Variants in CLCC1 observed in about 807,000 individuals in gnomAD.
CLCC1 encodes chloride channel CLIC-like protein 1.
CLCC1 carries 39 observed loss-of-function variants against 63.3 expected under a neutral mutation model. That is an observed-to-expected ratio of 0.62 (90% CI 0.48 to 0.81). The LOEUF (loss-of-function observed/expected upper bound fraction) is 0.81. Among genes scored for constraint, CLCC1 ranks in the 30% least tolerant of loss-of-function variants. The pLI is 0.00. For synonymous variants in CLCC1, 217 were observed against 239.8 expected, an observed-to-expected ratio of 0.90 and a Z score of 0.88; for missense variants, 549 against 669.4, an observed-to-expected ratio of 0.82 and a Z score of 1.98.
chr1:108,934,594 GAAGAGA>G lies in CLCC1; in HGVS notation c.*45+25_*45+30del, dbSNP rs1409591075. On this transcript the variant is annotated intron_variant, in intron 12 of 12. Transcript: ENST00000369969. ...TTGTAGTAATCAGAATTCTTGCAGAGAAGAGAAAGAGAGTGAAGAGTATACTTTACA... is the reference window on the plus strand; with the variant it reads ...TTGTAGTAATCAGAATTCTTGCAGAGAAGAGAGTGAAGAGTATACTTTACA... The G allele has an allele frequency of 3.5e-5, 53 of 1,496,888 alleles. No homozygotes were observed. The African/African-American group carries it at 4.9e-4, about 14-fold the overall frequency. 92.7% of individuals were successfully genotyped at this position (1,496,888 alleles called of 1,614,324 possible).
At position 108,943,635 on chromosome 1, in the gene CLCC1, G is replaced by C. The variant is rs896639808; in HGVS notation, c.562-20C>G. On this transcript the variant is annotated intron_variant, in intron 6 of 12. Coordinates refer to ENST00000369969, the MANE Select transcript of CLCC1 (RefSeq NM_001377458.1). ...AAGTACCTTAAAACAGAGAGAAGCA[G>C]AAATCAGCCACCAAAAACACTTAAG... 1 of 1,612,352 alleles carries C rather than the reference G, an allele frequency of 6.2e-7. No homozygotes were observed. Among genetic ancestry groups the C allele is most frequent in the African/African-American group, 1.3e-5 (1 of 74,756 alleles).
Position 108,931,642 on chromosome 1 carries a change from A to AAAAAGTT in CLCC1, c.*904_*905insAACTTTT. 9.4e-7 allele frequency: 1 copy of AAAAAGTT among 1,064,302 alleles called. No individual in the cohort carries two copies. The highest frequency in any genetic ancestry group is 1.3e-6 in the Non-Finnish European group (1 of 778,536). The allele number at this position is 1,064,302 out of a possible 1,614,324, so 65.9% of individuals were successfully genotyped here. A position where few individuals can be genotyped will look rare whatever the true frequency, so the allele number is the denominator to read the frequency against. ...AAGTGCTCAGCTAAAAAAAAAAAAA[A>AAAAAGTT]AGTTCTAAATTACAACCTGGATTAC... On this transcript the variant is annotated 3_prime_UTR_variant, in exon 13 of 13. Coordinates refer to ENST00000369969, the MANE Select transcript of CLCC1 (RefSeq NM_001377458.1).
At chr1:108,944,774 T>C (rs989604724) in intron 5 of CLCC1, among the ~76,000 whole-genome samples, 4 of 152,002 alleles carry the variant, frequency 2.6e-5, no homozygotes, top group Admixed American at 1.3e-4. Flanking sequence ...GGACTACAGG[T>C]GCCCGCCACT....
At chr1:108,939,604 T>C (rs780359977) in intron 10 of CLCC1, 32 bp downstream of exon 10, 312 of 1,601,268 alleles carry the variant, frequency 1.9e-4, no homozygotes, top group Admixed American at 1.4e-4. Context: ...CCACCGCGCC[T>C]GGCCCGACAG....
rs1191315187 is a variant in CLCC1 at position 108,949,976 on chromosome 1, C to T, written c.130-55G>A. ...CTTTATAGTTTAGTTACAAAAATAG[C>T]CTTTGGTTAATGAAGACTAAGATTC... On this transcript the variant is annotated intron_variant, in intron 3 of 12. Coordinates refer to ENST00000369969, the MANE Select transcript of CLCC1 (RefSeq NM_001377458.1). 2.7e-6 allele frequency: 3 copies of T among 1,098,892 alleles called. No individual in the cohort carries two copies. In the Admixed American group the frequency reaches 6.7e-5, roughly 25 times the overall value. The allele number at this position is 1,098,892 out of a possible 1,614,324, so 68.1% of individuals were successfully genotyped here.
intron 5 of CLCC1, among the ~76,000 whole-genome samples, chr1:108,946,260 A>T (rs1654520391): frequency 6.7e-6 from 1 of 148,646 alleles, no homozygotes; most frequent in Non-Finnish European, 1.5e-5. Flanking sequence ...CAGTGAGCGG[A>T]GATTGCGCCA....
chr1:108,943,559 A>G lies in CLCC1; in HGVS notation c.618T>C (p.Tyr206=), dbSNP rs769540698. 8.7e-6 allele frequency: 14 copies of G among 1,613,932 alleles called. No homozygotes were observed. The highest frequency in any genetic ancestry group is 6.7e-5 in the East Asian group (3 of 44,900). The change falls in exon 7 of 13, where the codon TAT becomes TAC. Residue 206 remains tyrosine (Y), a synonymous_variant. Transcript: ENST00000369969. ...VVLVATELWT[Y]VRWYTQLRRV... ...GTCTCAACTGAGTGTACCAACGTACATATGTCCACAGCTCAGTAGCCACTA... is the reference window on the plus strand; with the variant it reads ...GTCTCAACTGAGTGTACCAACGTACGTATGTCCACAGCTCAGTAGCCACTA...
At chr1:108,937,920 T>C (rs775185628) in intron 10 of CLCC1, among the ~76,000 whole-genome samples, 3 of 152,200 alleles carry the variant, frequency 2.0e-5, no homozygotes, top group Non-Finnish European at 4.4e-5. Flanking sequence ...CCTTACAGTG[T>C]GGCCCAGGGA....
chr1:108,936,018 TG>T (rs1652890911), intron 11 of CLCC1, among the ~76,000 whole-genome samples: 1 of 150,802 alleles, frequency 6.6e-6, no homozygotes, highest in African/African-American at 2.4e-5. Context: ...AGGAAGTCAC[TG>T]GAAGACTTCT....
At chr1:108,960,356 A>C (rs533315761) in intron 2 of CLCC1, among the ~76,000 whole-genome samples, 2 of 152,254 alleles carry the variant, frequency 1.3e-5, no homozygotes. Flanking sequence ...GGAGGGACTT[A>C]ATTTCAAGAA....
intron 1 of CLCC1, among the ~76,000 whole-genome samples, chr1:108,962,796 G>A (rs1234082896): frequency 6.6e-6 from 1 of 151,652 alleles, no homozygotes; most frequent in East Asian, 1.9e-4. Flanking sequence ...GCTGGAACCC[G>A]GAAGGCGGAG....
Position 108,934,486 on chromosome 1 carries a change from C to G in CLCC1, c.*45+139G>C, listed in dbSNP as rs1048888661. ...GAGAAGATGAAATGAAAAGCTTTTA[C>G]ATATATAACGTGTTTGTTAATTCTA... On this transcript the variant is annotated intron_variant, in intron 12 of 12. Transcript: ENST00000369969. 2.3e-5 allele frequency: 14 copies of G among 607,424 alleles called. No individual in the cohort carries two copies. The African/African-American group carries it at 2.6e-4, about 11-fold the overall frequency. The allele number at this position is 607,424 out of a possible 1,614,324, so 37.6% of individuals were successfully genotyped here.
chr1:108,943,101 G>C (rs950906670), intron 7 of CLCC1, among the ~76,000 whole-genome samples: 1 of 151,992 alleles, frequency 6.6e-6, no homozygotes, highest in African/African-American at 2.4e-5. Context: ...GTAGAGACAG[G>C]GTTTCACCAT....
At position 108,937,754 on chromosome 1, in the gene CLCC1, C is replaced by T. The variant is rs1278249778; in HGVS notation, c.1042-336G>A. Among the ~76,000 whole-genome samples, 4 of 152,208 alleles carry T rather than the reference C, an allele frequency of 2.6e-5. No individual in the cohort carries two copies. In the East Asian group the frequency reaches 7.7e-4, roughly 29 times the overall value. On this transcript the variant is annotated intron_variant, in intron 10 of 12. Transcript: ENST00000369969. The stretch of plus-strand genomic sequence containing the variant: ...TTCATGTTTCTAGATTCATGCCCAT[C>T]ATATAAGGTAAATGCTGAAAATATT...
chr1:108,950,556 C>G (rs1214139139), intron 2 of CLCC1, 108 bp from the exon 3 acceptor site: 2 of 576,712 alleles, frequency 3.5e-6, no homozygotes, highest in Non-Finnish European at 5.0e-6. Context: ...GGGTCTTGCT[C>G]TATTGCCCAG....
rs573088693 is a variant in CLCC1 at position 108,934,652 on chromosome 1, G to C, written c.*18C>G. 1 of 1,606,774 alleles carries C rather than the reference G, an allele frequency of 6.2e-7. No individual in the cohort carries two copies. Among genetic ancestry groups the C allele is most frequent in the African/African-American group, 1.3e-5 (1 of 74,902 alleles). ...AGCTCGAAGGAGACTTGAGGCTGTC[G>C]TTTGTGCTGGTGTTCCTCTAGCCAC... On this transcript the variant is annotated 3_prime_UTR_variant, in exon 12 of 13. Transcript: ENST00000369969.
At chr1:108,945,921 G>A (rs1015154822) in intron 5 of CLCC1, among the ~76,000 whole-genome samples, 2 of 152,178 alleles carry the variant, frequency 1.3e-5, no homozygotes, top group Admixed American at 6.5e-5. Flanking sequence ...CCAGCACTTT[G>A]GGAGGCCGAG....
rs1438068984 is a variant in CLCC1, at chr1:108,943,994, A to G, written c.403T>C (p.Leu135=). ...AEIILKRETL[L]EIQKFLNGED... is the part of the protein sequence containing the mutation. The stretch of plus-strand genomic sequence containing the variant: ...CCATTGAGAAACTTCTGTATTTCTA[A>G]CAAAGTTTCTCTTTTAAGGATAATC... The change falls in exon 6 of 13, where the codon TTA becomes CTA. Residue 135 remains leucine, a synonymous_variant. Coordinates refer to ENST00000369969, the MANE Select transcript of CLCC1 (RefSeq NM_001377458.1). 4.3e-6 allele frequency: 7 copies of G among 1,613,502 alleles called. No homozygotes were observed. In the African/African-American group the frequency reaches 9.3e-5, roughly 22 times the overall value.
In CLCC1 at chr1:108,940,068, T is replaced by C. The variant is rs1438272944; in HGVS notation, c.871A>G (p.Ile291Val). ...ACCTTTGTTGGTGGGACCAACCAAA[T>C]AGGGTTGACTAGTAAGAGCTCATAG... ...KYYELLLVNP[I>V]WLVPPTKALA... The change falls in exon 9 of 13, where the codon ATT becomes GTT. Residue 291 changes from isoleucine to valine, a missense_variant. Ile to Val is a conservative substitution (Grantham distance 29). Transcript: ENST00000369969. 12 of 1,613,422 alleles carry C rather than the reference T, an allele frequency of 7.4e-6. No homozygotes were observed. The highest frequency in any genetic ancestry group is 1.0e-5 in the Non-Finnish European group (12 of 1,179,558).
Sources: gnomAD v4.1 joint callset for allele counts (sites outside exome capture counted in the v4.1 genomes callset) on GRCh38, gnomAD v4.1.1 for gene constraint, MANE v1.5 for transcripts, NCBI Gene and HGNC (gene_info 2026-07-23, HGNC 2026-07-21) for gene names.